Variants in IL3RA observed in about 807,000 individuals in gnomAD.
IL3RA encodes interleukin-3 receptor subunit alpha.
Under a neutral mutation model 52.3 loss-of-function variants are expected in IL3RA, and 73 were observed. The observed-to-expected ratio is 1.40, with a 90% CI of 1.16 to 1.70. The LOEUF (loss-of-function observed/expected upper bound fraction) is 1.70. Ranked by LOEUF, IL3RA falls within the 40% of genes most tolerant of loss-of-function variation. The pLI is 0.00. For missense variants in IL3RA, 664 were observed against 504.4 expected, an observed-to-expected ratio of 1.32 and a Z score of -3.03; for synonymous variants, 260 against 194.0, an observed-to-expected ratio of 1.34 and a Z score of -2.83.
chrX:1,337,651 T>G (rs374266881), intron 1 of IL3RA, among the ~76,000 whole-genome samples: 991 of 70,864 alleles, frequency 0.014, no homozygotes, highest in Middle Eastern at 0.033. Flanking sequence ...GACGAATGGA[T>G]AAATATAATG....
At chrX:1,361,308 C>A (rs1420378857) in intron 8 of IL3RA, among the ~76,000 whole-genome samples, 1 of 152,034 alleles carries the variant, frequency 6.6e-6, no homozygotes, top group Non-Finnish European at 1.5e-5. Flanking sequence ...CATTGTCACA[C>A]TGCTGATAAA....
At chrX:1,379,912 C>T in intron 10 of IL3RA, among the ~76,000 whole-genome samples, 1 of 152,240 alleles carries the variant, frequency 6.6e-6, no homozygotes, top group East Asian at 1.9e-4. Context: ...AAGGATGTGC[C>T]ACCACGCCTG....
intron 2 of IL3RA, among the ~76,000 whole-genome samples, chrX:1,344,833 C>G (rs1448507698): frequency 2.6e-5 from 4 of 150,958 alleles, no homozygotes; most frequent in East Asian, 1.9e-4. Flanking sequence ...TTGGCTAACT[C>G]CACGGGCAAA....
chrX:1,366,426 G>C (rs2088043691), intron 9 of IL3RA, among the ~76,000 whole-genome samples: 1 of 56,318 alleles, frequency 1.8e-5, no homozygotes. Flanking sequence ...GGGGTGCGCG[G>C]GGTGAGCGGG....
intron 11 of IL3RA, among the ~76,000 whole-genome samples, chrX:1,381,926 GTTT>G (rs1240414143): frequency 4.1e-5 from 6 of 146,872 alleles, no homozygotes; most frequent in African/African-American, 1.2e-4. Context: ...CTCTGTCAGA[GTTT>G]TTTGTTTTGT....
chrX:1,378,660 G>T lies in IL3RA; in HGVS notation c.876G>T (p.Glu292Asp). 3 of 1,611,956 alleles carry T rather than the reference G, an allele frequency of 1.9e-6. No homozygotes were observed. Among genetic ancestry groups the T allele is most frequent in the Non-Finnish European group, 2.5e-6 (3 of 1,179,486 alleles). Residue 292 changes from glutamate (E) to aspartate (D), a missense_variant and splice_region_variant, in exon 10 of 12, where the codon GAG (glutamate) becomes GAT (aspartate). By Grantham distance (45) the Glu-to-Asp change is conservative (BLOSUM62 2). Transcript: ENST00000331035. ...LSAWSTPQRFECDQEEGANTR... is the reference protein window; with the variant it reads ...LSAWSTPQRFDCDQEEGANTR... ...GACCCTCTCACCCTTTACCCCTAGA[G>T]TGCGACCAGGAGGAGGGCGCAAACA...
intron 9 of IL3RA, among the ~76,000 whole-genome samples, chrX:1,376,624 A>G (rs1270753947): frequency 7.7e-5 from 11 of 143,618 alleles, no homozygotes; most frequent in South Asian, 6.7e-4. Flanking sequence ...ACGGAGGAAC[A>G]ACCCTGTGAG....
chrX:1,342,553 TAACTTC>T (rs1414893729), intron 2 of IL3RA, among the ~76,000 whole-genome samples: 2 of 142,898 alleles, frequency 1.4e-5, no homozygotes, highest in Non-Finnish European at 3.0e-5. Flanking sequence ...TTTCATTCTT[TAACTTC>T]TTTTTTTTTT....
chrX:1,347,606 T>G (rs1165549121), intron 3 of IL3RA, among the ~76,000 whole-genome samples: 3 of 148,596 alleles, frequency 2.0e-5, no homozygotes, highest in African/African-American at 7.5e-5. Flanking sequence ...GCAAGCGGAG[T>G]GAGGCCCTGT....
chrX:1,341,875 G>A, intron 2 of IL3RA, 46 bp downstream of exon 2: 1 of 1,589,324 alleles, frequency 6.3e-7, no homozygotes, highest in Non-Finnish European at 8.6e-7. Flanking sequence ...GGAGCGGTGG[G>A]GGTAGACAGA....
chrX:1,377,250 C>A (rs1462952035), intron 9 of IL3RA, among the ~76,000 whole-genome samples: 1 of 151,604 alleles, frequency 6.6e-6, no homozygotes, highest in Non-Finnish European at 1.5e-5. Flanking sequence ...CTTTTTTTTC[C>A]TCTTTTTCTG....
intron 3 of IL3RA, among the ~76,000 whole-genome samples, chrX:1,346,989 G>A (rs1448789922): frequency 4.6e-5 from 7 of 151,078 alleles, no homozygotes; most frequent in Non-Finnish European, 2.9e-5. Context: ...GAATCCCAGA[G>A]CGATTTTACC....
chrX:1,342,900 C>A (rs1210992569), intron 2 of IL3RA, among the ~76,000 whole-genome samples: 1 of 151,574 alleles, frequency 6.6e-6, no homozygotes, highest in Non-Finnish European at 1.5e-5. Context: ...CACGGTGAAA[C>A]CCCGTCTCTA....
At chrX:1,347,825 T>A (rs868390449) in intron 3 of IL3RA, among the ~76,000 whole-genome samples, 2 of 145,846 alleles carry the variant, frequency 1.4e-5, no homozygotes, top group Non-Finnish European at 3.0e-5. Context: ...GATCACGAGG[T>A]CAGGAGATCG....
intron 3 of IL3RA, among the ~76,000 whole-genome samples, chrX:1,346,998 C>A (rs1227927090): frequency 6.6e-6 from 1 of 151,096 alleles, no homozygotes; most frequent in Non-Finnish European, 1.5e-5. Context: ...AGCGATTTTA[C>A]CATACCATGG....
At chrX:1,379,145 T>C (rs769598683) in intron 10 of IL3RA, among the ~76,000 whole-genome samples, 43 of 149,602 alleles carry the variant, frequency 2.9e-4, no homozygotes, top group African/African-American at 6.2e-4. Flanking sequence ...GCCTGGCCCA[T>C]ATTATTATTA....
At chrX:1,366,272 C>G (rs867599970) in intron 9 of IL3RA, among the ~76,000 whole-genome samples, 167 of 7,742 alleles carry the variant, frequency 0.022, 2 homozygotes, top group Middle Eastern at 0.12. Flanking sequence ...CGGGGTGAGC[C>G]GGGTGAGCCG....
chrX:1,379,795 T>C (rs745677323), intron 10 of IL3RA, among the ~76,000 whole-genome samples: 10 of 152,266 alleles, frequency 6.6e-5, no homozygotes, highest in Non-Finnish European at 1.2e-4. Flanking sequence ...GTTTTGCTTT[T>C]GTTGCCCAGC....
At chrX:1,354,567 G>A (rs1210579017) in intron 6 of IL3RA, among the ~76,000 whole-genome samples, 5 of 132,708 alleles carry the variant, frequency 3.8e-5, no homozygotes, top group African/African-American at 1.4e-4. Context: ...GGAAGGAAGA[G>A]GAGGAAGAGA....
Sources: gnomAD v4.1 joint callset for allele counts (sites outside exome capture counted in the v4.1 genomes callset) on GRCh38, gnomAD v4.1.1 for gene constraint, MANE v1.5 for transcripts, NCBI Gene and HGNC (gene_info 2026-07-23, HGNC 2026-07-21) for gene names.